ULK4: variants seen among roughly 807,000 people sequenced by gnomAD.
The protein encoded by ULK4 is inactive serine/threonine-protein kinase ULK4.
Under a neutral mutation model 160.6 loss-of-function variants are expected in ULK4, and 133 were observed. That is an observed-to-expected ratio of 0.83 (90% CI 0.72 to 0.96). ULK4 has a LOEUF of 0.96. ULK4 is among the 40% of genes least tolerant of loss of function. The pLI, the probability that ULK4 is intolerant of heterozygous loss-of-function variation, is 0.00. For synonymous variants in ULK4, 534 were observed against 539.8 expected, an observed-to-expected ratio of 0.99 and a Z score of 0.15; for missense variants, 1,580 against 1,499.5, an observed-to-expected ratio of 1.05 and a Z score of -0.89.
At chr3:41,381,149 A>G (rs570426390) in intron 35 of ULK4, among the ~76,000 whole-genome samples, 83 of 152,264 alleles carry the variant, frequency 5.5e-4, no homozygotes, top group African/African-American at 2.0e-3. Flanking sequence ...AGTGTCTTCA[A>G]CACCACCTTT....
At chr3:41,256,008 T>TA (rs2078828443) in intron 35 of ULK4, among the ~76,000 whole-genome samples, 1 of 152,224 alleles carries the variant, frequency 6.6e-6, no homozygotes, top group African/African-American at 2.4e-5. Context: ...ATAAATCTGA[T>TA]AAAATATATC....
intron 32 of ULK4, among the ~76,000 whole-genome samples, chr3:41,560,402 A>G (rs1025273682): frequency 6.6e-6 from 1 of 152,220 alleles, no homozygotes; most frequent in Non-Finnish European, 1.5e-5. Context: ...CTGTGAAGAA[A>G]GACATTGGTA....
chr3:41,589,885 C>T (rs2031148339), intron 31 of ULK4, among the ~76,000 whole-genome samples: 1 of 151,944 alleles, frequency 6.6e-6, no homozygotes, highest in Non-Finnish European at 1.5e-5. Flanking sequence ...GACAAATAGT[C>T]CAAGTTCAAA....
chr3:41,892,071 C>T (rs1406352680), intron 16 of ULK4, among the ~76,000 whole-genome samples: 1 of 152,110 alleles, frequency 6.6e-6, no homozygotes, highest in Non-Finnish European at 1.5e-5. Context: ...TAGAAAAATT[C>T]CTCCTAAATT....
chr3:41,255,862 G>C (rs945599022), intron 35 of ULK4, among the ~76,000 whole-genome samples: 1 of 152,174 alleles, frequency 6.6e-6, no homozygotes, highest in African/African-American at 2.4e-5. Context: ...AAGAGTAACA[G>C]AATTGACTTA....
rs1239388262 is a variant in ULK4 at position 41,826,731 on chromosome 3, T to C, written c.1765-7225A>G. 4.7e-5 allele frequency among the ~76,000 whole-genome samples: 7 copies of C among 149,994 alleles called. No homozygotes were observed. In the East Asian group the frequency reaches 1.4e-3, roughly 29 times the overall value. Reference sequence around the variant, plus strand: ...AATAGGAGACTTTAACACCCCACTGTCAACATTAGACAGATCAACGAGACA... The same window carrying C: ...AATAGGAGACTTTAACACCCCACTGCCAACATTAGACAGATCAACGAGACA... On this transcript the variant is annotated intron_variant, in intron 18 of 36. Coordinates refer to ENST00000301831, the MANE Select transcript of ULK4 (RefSeq NM_017886.4).
intron 35 of ULK4, among the ~76,000 whole-genome samples, chr3:41,309,060 A>G (rs1397444367): frequency 6.6e-6 from 1 of 152,206 alleles, no homozygotes; most frequent in African/African-American, 2.4e-5. Flanking sequence ...AATAAAATTT[A>G]TGAAAGTTAT....
intron 34 of ULK4, among the ~76,000 whole-genome samples, chr3:41,417,241 G>A (rs930090410): frequency 6.6e-6 from 1 of 152,142 alleles, no homozygotes; most frequent in Non-Finnish European, 1.5e-5. Context: ...GGAAGAAAAA[G>A]CTTTCTACTA....
chr3:41,406,224 A>T (rs2082291749), intron 34 of ULK4, among the ~76,000 whole-genome samples: 1 of 152,208 alleles, frequency 6.6e-6, no homozygotes, highest in African/African-American at 2.4e-5. Context: ...CTAAATAGGC[A>T]GTCCTTTCCC....
chr3:41,513,720 A>T (rs2085660746), intron 32 of ULK4, among the ~76,000 whole-genome samples: 2 of 152,224 alleles, frequency 1.3e-5, no homozygotes, highest in South Asian at 4.1e-4. Context: ...AGGAATAGAA[A>T]ATCAAACATT....
intron 19 of ULK4, among the ~76,000 whole-genome samples, chr3:41,816,541 G>T (rs1292452854): frequency 6.6e-6 from 1 of 152,206 alleles, no homozygotes; most frequent in African/African-American, 2.4e-5. Flanking sequence ...CCATGGCTGG[G>T]TGCAGTGGCT....
chr3:41,414,271 T>A (rs936433531), intron 34 of ULK4, among the ~76,000 whole-genome samples: 3 of 152,168 alleles, frequency 2.0e-5, no homozygotes, highest in Non-Finnish European at 4.4e-5. Flanking sequence ...CTGTCAAACC[T>A]AACTTTATTG....
intron 35 of ULK4, among the ~76,000 whole-genome samples, chr3:41,337,190 T>C (rs932558912): frequency 6.6e-6 from 1 of 152,254 alleles, no homozygotes; most frequent in Admixed American, 6.5e-5. Flanking sequence ...TTGCATTTTA[T>C]ATTGAATTTT....
intron 35 of ULK4, among the ~76,000 whole-genome samples, chr3:41,277,315 C>T (rs769336987): frequency 2.6e-5 from 4 of 152,120 alleles, no homozygotes; most frequent in South Asian, 2.1e-4. Context: ...AACTACAGAC[C>T]GATATCCCTG....
chr3:41,841,211 G>C (rs2064048545), intron 17 of ULK4, among the ~76,000 whole-genome samples: 1 of 150,380 alleles, frequency 6.6e-6, no homozygotes, highest in South Asian at 2.1e-4. Flanking sequence ...CCCCGCCTGG[G>C]AGGTGGGGAG....
chr3:41,412,507 C>T (rs1010351245), intron 34 of ULK4, among the ~76,000 whole-genome samples: 1 of 144,364 alleles, frequency 6.9e-6, no homozygotes, highest in African/African-American at 2.6e-5. Context: ...CATAGGCTCA[C>T]ATAAGTCAAC....
intron 22 of ULK4, among the ~76,000 whole-genome samples, chr3:41,726,184 T>C (rs1186479828): frequency 6.6e-6 from 1 of 152,198 alleles, no homozygotes; most frequent in Non-Finnish European, 1.5e-5. Context: ...GGCAAAAAAC[T>C]ATTCAAATCA....
intron 29 of ULK4, among the ~76,000 whole-genome samples, chr3:41,678,134 T>C (rs184266454): frequency 2.1e-4 from 32 of 151,744 alleles, no homozygotes; most frequent in African/African-American, 5.6e-4. Context: ...TCTCAACCTC[T>C]GTAATCACGC....
chr3:41,295,764 A>G (rs977049062), intron 35 of ULK4, among the ~76,000 whole-genome samples: 14 of 152,234 alleles, frequency 9.2e-5, no homozygotes, highest in Admixed American at 9.2e-4. Context: ...CCAAATCTGG[A>G]ATATTGACAC....
Sources: allele counts gnomAD v4.1 joint callset (sites outside exome capture counted in the v4.1 genomes callset), GRCh38; gene constraint gnomAD v4.1.1; transcripts MANE v1.5; gene names NCBI Gene and HGNC (gene_info 2026-07-23, HGNC 2026-07-21).